RCSD1: variants seen among roughly 807,000 people sequenced by gnomAD.
RCSD1 encodes the protein RCSD domain containing 1, also known as capZ-interacting protein.
A neutral mutation model predicts 42.5 loss-of-function variants in RCSD1; 26 were observed. That is an observed-to-expected ratio of 0.61 (90% CI 0.45 to 0.85). The LOEUF is 0.85. Among genes scored for constraint, RCSD1 ranks in the 40% least tolerant of loss-of-function variants. The probability of loss-of-function intolerance (pLI) is 0.00; values close to 1 mark genes in which losing one functional copy is unlikely to be tolerated. For synonymous variants in RCSD1, 220 were observed against 212.2 expected (o/e 1.04, Z -0.32); for missense variants, 571 against 528.3 (o/e 1.08, Z -0.79).
At chr1:167,657,618 C>T (rs905627529) in intron 1 of RCSD1, among the ~76,000 whole-genome samples, 1 of 152,122 alleles carries the variant, frequency 6.6e-6, no homozygotes, top group Admixed American at 6.5e-5. Flanking sequence ...TCCTCCCCTC[C>T]CCTCTGGGCA....
intron 6 of RCSD1, among the ~76,000 whole-genome samples, chr1:167,698,502 C>T (rs72697742): frequency 0.046 from 6,953 of 152,196 alleles, 207 homozygotes; most frequent in Middle Eastern, 0.12. Flanking sequence ...ATGAGGAGGA[C>T]GGGGTGACTC....
rs75333259 is a variant in RCSD1 at position 167,676,491 on chromosome 1, T to C, written c.7-7409T>C. 8.5e-5 allele frequency among the ~76,000 whole-genome samples: 13 copies of C among 152,378 alleles called. No individual in the cohort carries two copies. In the East Asian group the frequency reaches 2.5e-3, roughly 29 times the overall value. ...CAGAAGCAAGACTGAAACCCAGATC[T>C]GACTCTGAATTTGTTGTTCTTTGTG... On this transcript the variant is annotated intron_variant, in intron 1 of 6. Coordinates refer to ENST00000367854, the MANE Select transcript of RCSD1 (RefSeq NM_052862.4).
chr1:167,697,948 G>A (rs1659543068), intron 6 of RCSD1, 106 bp downstream of exon 6: 2 of 1,270,244 alleles, frequency 1.6e-6, no homozygotes, highest in Non-Finnish European at 2.0e-6. Context: ...AGCTCGACAT[G>A]CAGAAACAAA....
chr1:167,664,626 T>C (rs1658611542), intron 1 of RCSD1: 1 of 152,262 alleles, frequency 6.6e-6, no homozygotes, highest in Non-Finnish European at 1.5e-5. Context: ...CATTTCTGGC[T>C]GGCTGTTATG....
intron 6 of RCSD1, among the ~76,000 whole-genome samples, chr1:167,702,930 T>C (rs1659677292): frequency 6.6e-6 from 1 of 152,226 alleles, no homozygotes; most frequent in Admixed American, 6.5e-5. Flanking sequence ...TATTTGGATA[T>C]CAAATCTGAG....
At chr1:167,651,237 T>C (rs761073) in intron 1 of RCSD1, among the ~76,000 whole-genome samples, 3,318 of 152,294 alleles carry the variant, frequency 0.022, 109 homozygotes, top group African/African-American at 0.072. Context: ...CCCAGGACAA[T>C]GCCACCAGCC....
At chr1:167,653,376 G>A (rs1443407499) in intron 1 of RCSD1, among the ~76,000 whole-genome samples, 1 of 152,214 alleles carries the variant, frequency 6.6e-6, no homozygotes, top group Non-Finnish European at 1.5e-5. Flanking sequence ...TATGAAAGCA[G>A]TGGTTCTCAA....
At chr1:167,653,971 C>A (rs1658367340) in intron 1 of RCSD1, among the ~76,000 whole-genome samples, 1 of 152,152 alleles carries the variant, frequency 6.6e-6, no homozygotes, top group African/African-American at 2.4e-5. Context: ...GGGTTGAAAC[C>A]CCAGCTCTGC....
At chr1:167,637,906 T>C (rs973276116) in intron 1 of RCSD1, among the ~76,000 whole-genome samples, 2 of 152,204 alleles carry the variant, frequency 1.3e-5, no homozygotes, top group African/African-American at 4.8e-5. Context: ...GGGTGGACTG[T>C]AGAGCAGCAG....
intron 1 of RCSD1, among the ~76,000 whole-genome samples, chr1:167,672,246 T>C (rs1389646291): frequency 6.6e-6 from 1 of 152,204 alleles, no homozygotes; most frequent in Non-Finnish European, 1.5e-5. Flanking sequence ...AGCAGTGACT[T>C]TCTCTTCTTC....
In RCSD1 at chr1:167,630,431, T is replaced by C; in HGVS notation, c.6+2T>C. Reference sequence around the variant, plus strand: ...AGTCGGCACCTGAAGGACATGGAGGTAAAGGACCCCGGAGGGAGACGCGGG... The same window carrying C: ...AGTCGGCACCTGAAGGACATGGAGGCAAAGGACCCCGGAGGGAGACGCGGG... On this transcript the variant is annotated splice_donor_variant, in intron 1 of 6. Transcript: ENST00000367854. LOFTEE classifies it high-confidence loss of function. 1 of 1,537,122 alleles carries C rather than the reference T, an allele frequency of 6.5e-7. No homozygotes were observed. Among genetic ancestry groups the C allele is most frequent in the Non-Finnish European group, 8.8e-7 (1 of 1,140,040 alleles).
chr1:167,706,228 T>C lies in RCSD1; in HGVS notation c.*1532T>C, dbSNP rs747344809. The C allele has an allele frequency of 3.9e-5, 6 of 152,228 alleles. No homozygotes were observed. The highest frequency in any genetic ancestry group is 8.8e-5 in the Non-Finnish European group (6 of 68,038). The allele number at this position is 152,228 out of a possible 1,614,324, so 9.4% of individuals were successfully genotyped here. A position where few individuals can be genotyped will look rare whatever the true frequency, so the allele number is the denominator to read the frequency against. The stretch of plus-strand genomic sequence containing the variant: ...ATATTGTCATAGCTATGATAAACTT[T>C]GGATATTAGCAGAATTTGGGAGATG... On this transcript the variant is annotated 3_prime_UTR_variant, in exon 7 of 7. Transcript: ENST00000367854.
chr1:167,668,062 G>A (rs564448487), intron 1 of RCSD1, among the ~76,000 whole-genome samples: 28 of 152,154 alleles, frequency 1.8e-4, no homozygotes, highest in African/African-American at 5.8e-4. Flanking sequence ...AGGCCAAGGC[G>A]GATGGATCAC....
intron 6 of RCSD1, among the ~76,000 whole-genome samples, chr1:167,702,289 A>AC (rs1659662349): frequency 6.6e-6 from 1 of 152,238 alleles, no homozygotes; most frequent in Non-Finnish European, 1.5e-5. Flanking sequence ...AAGCACTATA[A>AC]AGGGTCACCT....
intron 1 of RCSD1, among the ~76,000 whole-genome samples, chr1:167,667,907 T>C (rs1224531616): frequency 6.6e-6 from 1 of 152,182 alleles, no homozygotes; most frequent in African/African-American, 2.4e-5. Context: ...GTACCTACTA[T>C]GGGCTAGGGG....
chr1:167,678,353 C>A (rs1658999453), intron 1 of RCSD1, among the ~76,000 whole-genome samples: 1 of 152,136 alleles, frequency 6.6e-6, no homozygotes, highest in Non-Finnish European at 1.5e-5. Flanking sequence ...CTTTCATGAC[C>A]AAGGAAGAAC....
chr1:167,651,139 T>C lies in RCSD1; in HGVS notation c.6+20710T>C, dbSNP rs113906368. Among the ~76,000 whole-genome samples, 767 of 152,310 alleles carry C rather than the reference T, an allele frequency of 5.0e-3. 8 individuals are homozygous for C. Among genetic ancestry groups the C allele is most frequent in the African/African-American group, 0.017 (727 of 41,562 alleles). ...ATGACCTTGTTTTAACTTAATTTCC[T>C]CTGTGAAGACCCTACCTCCAAATAC... On this transcript the variant is annotated intron_variant, in intron 1 of 6. Transcript: ENST00000367854.
At position 167,705,257 on chromosome 1, in the gene RCSD1, T is replaced by C. The variant is rs1489657238; in HGVS notation, c.*561T>C. On this transcript the variant is annotated 3_prime_UTR_variant, in exon 7 of 7. Transcript: ENST00000367854. ...GTATCAAAACCCTAGAGACAACTTT[T>C]CAATTTGATCCAAATTTGAACTGGC... The C allele has an allele frequency of 6.6e-6, 1 of 152,300 alleles. No individual in the cohort carries two copies. The highest frequency in any genetic ancestry group is 1.5e-5 in the Non-Finnish European group (1 of 68,120). 9.4% of individuals were successfully genotyped at this position (152,300 alleles called of 1,614,324 possible).
intron 1 of RCSD1, among the ~76,000 whole-genome samples, chr1:167,643,775 G>A (rs12027530): frequency 0.17 from 25,647 of 152,206 alleles, 2,527 homozygotes; most frequent in Non-Finnish European, 0.2. Context: ...TAAATGAGTC[G>A]GTGGTTGTGT....
Sources: allele counts gnomAD v4.1 joint callset (sites outside exome capture counted in the v4.1 genomes callset), GRCh38; gene constraint gnomAD v4.1.1; transcripts MANE v1.5; gene names NCBI Gene and HGNC (gene_info 2026-07-23, HGNC 2026-07-21).